The following ELMOD2 variants were observed in gnomAD, a reference collection of about 807,000 sequenced individuals.
ELMOD2 encodes the protein ELMO domain containing 2, also known as ELMO domain-containing protein 2.
ELMOD2 carries 28 observed loss-of-function variants against 41.0 expected under a neutral mutation model. That is an observed-to-expected ratio of 0.68 (90% CI 0.51 to 0.94). ELMOD2 has a LOEUF of 0.94. Among genes scored for constraint, ELMOD2 ranks in the 40% least tolerant of loss-of-function variants. The pLI is 0.00. For missense variants in ELMOD2, 333 were observed against 343.1 expected, an observed-to-expected ratio of 0.97 and a Z score of 0.23; for synonymous variants, 106 against 107.2, an observed-to-expected ratio of 0.99 and a Z score of 0.07.
At chr4:140,524,969 A>G (rs1201360701) in intron 1 of ELMOD2, 1 of 154,764 alleles carries the variant, frequency 6.5e-6, no homozygotes, top group Non-Finnish European at 1.4e-5. Flanking sequence ...GTTGTAACGA[A>G]TTATCCACAT....
intron 8 of ELMOD2, among the ~76,000 whole-genome samples, chr4:140,548,181 A>C (rs2110885225): frequency 6.6e-6 from 1 of 152,324 alleles, no homozygotes; most frequent in African/African-American, 2.4e-5. Flanking sequence ...TGAAAAAGCA[A>C]TTTAAAGGAC....
At chr4:140,525,138 A>T in intron 1 of ELMOD2, 1 of 230,108 alleles carries the variant, frequency 4.3e-6, no homozygotes. Context: ...TTATTTAGCA[A>T]AAAGTGCAAA....
chr4:140,535,879 G>A, intron 4 of ELMOD2, 49 bp downstream of exon 4: 3 of 1,522,042 alleles, frequency 2.0e-6, no homozygotes, highest in Non-Finnish European at 2.7e-6. Flanking sequence ...TATAGCCTGT[G>A]AGGTATCAAT....
At chr4:140,548,123 G>C (rs148334469) in intron 8 of ELMOD2, among the ~76,000 whole-genome samples, 83 of 152,230 alleles carry the variant, frequency 5.5e-4, no homozygotes, top group African/African-American at 1.8e-3. Context: ...TGAGCAGTTT[G>C]TTCCAGGCCC....
chr4:140,524,606 A>G (rs973736676), intron 1 of ELMOD2: 7 of 985,458 alleles, frequency 7.1e-6, no homozygotes, highest in Non-Finnish European at 8.4e-6. Context: ...CTCTTTCTGC[A>G]CTGACCTGCG....
intron 5 of ELMOD2, 27 bp from the exon 6 acceptor site, chr4:140,540,141 C>G (rs1735060238): frequency 6.2e-7 from 1 of 1,605,932 alleles, no homozygotes; most frequent in Non-Finnish European, 8.5e-7. Context: ...AAGAAAATGT[C>G]TTAATAATGG....
At chr4:140,527,775 GA>G (rs1267674478) in intron 3 of ELMOD2, 1 of 346,274 alleles carries the variant, frequency 2.9e-6, no homozygotes, top group African/African-American at 2.2e-5. Context: ...GCCTTAGGAG[GA>G]AAGTCGTCTT....
At chr4:140,541,223 A>G (rs1278492949) in intron 6 of ELMOD2, among the ~76,000 whole-genome samples, 1 of 152,216 alleles carries the variant, frequency 6.6e-6, no homozygotes, top group African/African-American at 2.4e-5. Flanking sequence ...ATTGTGATTT[A>G]TAGACTATAA....
chr4:140,541,272 A>G (rs954102579), intron 6 of ELMOD2, among the ~76,000 whole-genome samples: 1 of 152,166 alleles, frequency 6.6e-6, no homozygotes, highest in Non-Finnish European at 1.5e-5. Flanking sequence ...TAAAGTTTGG[A>G]TAATTCTTAC....
At chr4:140,538,598 C>A (rs1735005794) in intron 5 of ELMOD2, among the ~76,000 whole-genome samples, 1 of 152,168 alleles carries the variant, frequency 6.6e-6, no homozygotes, top group Non-Finnish European at 1.5e-5. Flanking sequence ...TTTTTCCCTT[C>A]ATGTTAGGCC....
chr4:140,546,391 C>T (rs1198125340), intron 8 of ELMOD2, among the ~76,000 whole-genome samples: 11 of 151,756 alleles, frequency 7.2e-5, no homozygotes, highest in Admixed American at 2.6e-4. Flanking sequence ...ATGTAAATGA[C>T]GAGTTAATGG....
intron 5 of ELMOD2, among the ~76,000 whole-genome samples, chr4:140,539,095 G>C (rs1735023479): frequency 2.0e-5 from 3 of 152,120 alleles, no homozygotes; most frequent in South Asian, 4.1e-4. Context: ...TCTTGACCCT[G>C]TTTTAAAGCA....
chr4:140,524,198 G>C lies in ELMOD2; in HGVS notation c.-92G>C, dbSNP rs866628039. On this transcript the variant is annotated 5_prime_UTR_variant, in exon 1 of 9. Transcript: ENST00000323570. ...CCGGGTCGCGGTGCTTGAAGGGAGT[G>C]TTCCGTCGTTTCCGTTGCCGGCTGT... 2 of 152,370 alleles carry C rather than the reference G, an allele frequency of 1.3e-5. No homozygotes were observed. Among genetic ancestry groups the C allele is most frequent in the South Asian group, 2.1e-4 (1 of 4,832 alleles). The allele number at this position is 152,370 out of a possible 1,614,324, so 9.4% of individuals were successfully genotyped here. A position where few individuals can be genotyped will look rare whatever the true frequency, so the allele number is the denominator to read the frequency against.
Position 140,535,485 on chromosome 4 carries a change from C to T in ELMOD2, c.172-248C>T, listed in dbSNP as rs191960438. On this transcript the variant is annotated intron_variant, in intron 3 of 8. Coordinates refer to ENST00000323570, the MANE Select transcript of ELMOD2 (RefSeq NM_153702.4). ...AGCTCATTTGCTGAGAACTCATCAGCTGAGAACCTGTTGACTCAGTTGAGG... is the reference window on the plus strand; with the variant it reads ...AGCTCATTTGCTGAGAACTCATCAGTTGAGAACCTGTTGACTCAGTTGAGG... The T allele has an allele frequency of 1.1e-5, 4 of 367,508 alleles. No homozygotes were observed. In the East Asian group the frequency reaches 1.9e-4, roughly 17 times the overall value. The allele number at this position is 367,508 out of a possible 1,614,324, so 22.8% of individuals were successfully genotyped here.
At position 140,542,658 on chromosome 4, in the gene ELMOD2, T is replaced by G. The variant is rs374151745; in HGVS notation, c.602+16T>G. ...CAAAATTAGGGTAAGCTGGGTATAT[T>G]AAAGAAGCCGTAATCTCTTGCATTT... On this transcript the variant is annotated intron_variant, in intron 7 of 8. Coordinates refer to ENST00000323570, the MANE Select transcript of ELMOD2 (RefSeq NM_153702.4). 18 of 1,575,218 alleles carry G rather than the reference T, an allele frequency of 1.1e-5. No homozygotes were observed. Among genetic ancestry groups the G allele is most frequent in the Admixed American group, 3.4e-5 (2 of 58,490 alleles).
chr4:140,544,048 T>C (rs1185249275), intron 8 of ELMOD2, among the ~76,000 whole-genome samples: 1 of 152,148 alleles, frequency 6.6e-6, no homozygotes, highest in African/African-American at 2.4e-5. Context: ...ACTGAGTAAC[T>C]GTTCCTAAAG....
At chr4:140,527,439 A>AT in intron 2 of ELMOD2, 27 bp from the exon 3 acceptor site, 2 of 1,470,218 alleles carry the variant, frequency 1.4e-6, no homozygotes, top group Admixed American at 2.1e-5. Flanking sequence ...AAGTGATAAC[A>AT]TCTTTTTTTT....
rs141412212 is a variant in ELMOD2, at chr4:140,543,553, A to G, written c.703A>G (p.Ile235Val). The change falls in exon 8 of 9, where the codon ATA becomes GTA. Residue 235 changes from isoleucine (I) to valine (V), a missense_variant. Transcript: ENST00000323570. ...KFHLYNLVPGIPTMEHFHQFY... is the reference protein window; with the variant it reads ...KFHLYNLVPGVPTMEHFHQFY... ...TCATCTCTATAACCTTGTTCCTGGT[A>G]TACCAACAATGGAACACTTTCATCA... The G allele has an allele frequency of 3.1e-6, 5 of 1,602,470 alleles. No homozygotes were observed. Among genetic ancestry groups the G allele is most frequent in the African/African-American group, 2.7e-5 (2 of 74,336 alleles).
At chr4:140,528,165 G>C (rs908844659) in intron 3 of ELMOD2, among the ~76,000 whole-genome samples, 1 of 152,184 alleles carries the variant, frequency 6.6e-6, no homozygotes, top group Non-Finnish European at 1.5e-5. Flanking sequence ...CAACCTGTTA[G>C]TTAAAACAAG....
Sources: gnomAD v4.1 joint callset for allele counts (sites outside exome capture counted in the v4.1 genomes callset) on GRCh38, gnomAD v4.1.1 for gene constraint, MANE v1.5 for transcripts, NCBI Gene and HGNC (gene_info 2026-07-23, HGNC 2026-07-21) for gene names.